KLF12: variants seen among roughly 807,000 people sequenced by gnomAD.
The protein encoded by KLF12 is KLF transcription factor 12.
Under a neutral mutation model 37.8 loss-of-function variants are expected in KLF12, and 9 were observed. That is an observed-to-expected ratio of 0.24 (90% CI 0.14 to 0.42). The LOEUF (loss-of-function observed/expected upper bound fraction) is 0.42. Among genes scored for constraint, KLF12 ranks in the 10% least tolerant of loss-of-function variants. KLF12 has a pLI of 1.00. For missense variants in KLF12, 411 were observed against 516.0 expected, an observed-to-expected ratio of 0.80 and a Z score of 1.97; for synonymous variants, 208 against 202.1, an observed-to-expected ratio of 1.03 and a Z score of -0.25.
At chr13:73,917,358 T>G (rs1888897555) in intron 3 of KLF12, among the ~76,000 whole-genome samples, 2 of 152,218 alleles carry the variant, frequency 1.3e-5, no homozygotes, top group Admixed American at 1.3e-4. Flanking sequence ...TTCCAATGCC[T>G]AGATCAGTGG....
At chr13:73,941,670 G>A (rs2139355126) in intron 3 of KLF12, among the ~76,000 whole-genome samples, 1 of 152,234 alleles carries the variant, frequency 6.6e-6, no homozygotes, top group East Asian at 1.9e-4. Context: ...TCTAGACTTT[G>A]TTTCAAACAA....
chr13:73,826,729 C>T (rs1883864618), intron 4 of KLF12, among the ~76,000 whole-genome samples: 2 of 151,662 alleles, frequency 1.3e-5, no homozygotes, highest in African/African-American at 2.4e-5. Flanking sequence ...TACAGTTTTG[C>T]TCTTTTTAAA....
At chr13:73,907,370 A>G (rs1399463592) in intron 3 of KLF12, among the ~76,000 whole-genome samples, 1 of 152,132 alleles carries the variant, frequency 6.6e-6, no homozygotes, top group African/African-American at 2.4e-5. Context: ...CCATTCATAC[A>G]GCATTCTCCA....
At position 73,903,783 on chromosome 13, in the gene KLF12, T is replaced by G. The variant is rs376422506; in HGVS notation, c.123+40198A>C. 3.1e-3 allele frequency among the ~76,000 whole-genome samples: 471 copies of G among 152,316 alleles called. 3 individuals carry two copies. Among genetic ancestry groups the G allele is most frequent in the African/African-American group, 0.011 (453 of 41,570 alleles). On this transcript the variant is annotated intron_variant, in intron 3 of 7. Coordinates refer to ENST00000377669, the MANE Select transcript of KLF12 (RefSeq NM_007249.5). ...TAGTGGGCCAGTGAGCCTTTCTGCC[T>G]GAGCTCCACCACCTGCCAGCTCAGC...
intron 6 of KLF12, among the ~76,000 whole-genome samples, chr13:73,740,620 T>C (rs1304304232): frequency 1.3e-5 from 2 of 152,192 alleles, no homozygotes; most frequent in Non-Finnish European, 2.9e-5. Flanking sequence ...GGGTTACAGT[T>C]GTGAGCCACT....
At chr13:74,297,192 A>T in the KLF12 span, among the ~76,000 whole-genome samples, 1 of 152,194 alleles carries the variant, frequency 6.6e-6, no homozygotes, top group Non-Finnish European at 1.5e-5. Flanking sequence ...ATGCCAGACT[A>T]TTCAGAAACA....
intron 3 of KLF12, among the ~76,000 whole-genome samples, chr13:73,943,531 T>C (rs1180875880): frequency 2.0e-5 from 3 of 152,208 alleles, no homozygotes; most frequent in Non-Finnish European, 2.9e-5. Context: ...ACTCCTACAG[T>C]AAGAAAGGGC....
intron 2 of KLF12, among the ~76,000 whole-genome samples, chr13:73,971,334 A>G (rs555995221): frequency 2.0e-5 from 3 of 152,286 alleles, no homozygotes; most frequent in South Asian, 4.1e-4. Flanking sequence ...CACAAAATAG[A>G]CTACATAACC....
the KLF12 span, among the ~76,000 whole-genome samples, chr13:74,279,225 C>G: frequency 1.8e-4 from 28 of 152,106 alleles, no homozygotes; most frequent in African/African-American, 6.3e-4. Context: ...ACGTAGGAAG[C>G]CCCACTGTGC....
chr13:74,058,765 A>G (rs935578154), intron 1 of KLF12, among the ~76,000 whole-genome samples: 7 of 152,220 alleles, frequency 4.6e-5, no homozygotes, highest in Admixed American at 1.3e-4. Context: ...GAGACCTGCT[A>G]CTATGAACTT....
intron 1 of KLF12, among the ~76,000 whole-genome samples, chr13:74,034,545 T>C (rs1413542016): frequency 6.6e-6 from 1 of 152,232 alleles, no homozygotes; most frequent in Non-Finnish European, 1.5e-5. Context: ...AAAACTTTTA[T>C]TATAAAAGTG....
chr13:73,887,115 C>T (rs996409914), intron 3 of KLF12, among the ~76,000 whole-genome samples: 4 of 151,952 alleles, frequency 2.6e-5, no homozygotes, highest in Admixed American at 6.6e-5. Context: ...ATCAGGGACA[C>T]CAAAAATCTT....
intron 6 of KLF12, among the ~76,000 whole-genome samples, chr13:73,753,242 T>C (rs1566343512): frequency 6.6e-6 from 1 of 152,120 alleles, no homozygotes; most frequent in South Asian, 2.1e-4. Flanking sequence ...TCATTCACTT[T>C]TCGTTCCTTG....
Position 73,708,758 on chromosome 13 carries a change from T to C in KLF12, c.1027+6610A>G, listed in dbSNP as rs557405594. 9.2e-5 allele frequency among the ~76,000 whole-genome samples: 14 copies of C among 152,352 alleles called. No homozygotes were observed. The East Asian group carries it at 2.7e-3, about 29-fold the overall frequency. ...AATCAGTTAATAAGCAATAGAACTC[T>C]TAACGTGAGGGAATCCATAGTGCAT... On this transcript the variant is annotated intron_variant, in intron 7 of 7. Transcript: ENST00000377669.
intron 4 of KLF12, among the ~76,000 whole-genome samples, chr13:73,831,657 T>C (rs1184071573): frequency 6.6e-6 from 1 of 152,214 alleles, no homozygotes; most frequent in Non-Finnish European, 1.5e-5. Context: ...CTTGTTTTAA[T>C]AATAATTTTG....
At chr13:74,060,551 C>T (rs35643115) in intron 1 of KLF12, among the ~76,000 whole-genome samples, 12,921 of 125,754 alleles carry the variant, frequency 0.1, 751 homozygotes, top group Non-Finnish European at 0.14. Flanking sequence ...GGTTGAGTTC[C>T]TGATTTGGTT....
At chr13:74,244,009 A>G in the KLF12 span, among the ~76,000 whole-genome samples, 1 of 152,222 alleles carries the variant, frequency 6.6e-6, no homozygotes, top group African/African-American at 2.4e-5. Context: ...TTTTACTAAT[A>G]TGAGTATCGG....
At chr13:73,899,940 C>T (rs1244307949) in intron 3 of KLF12, among the ~76,000 whole-genome samples, 1 of 152,134 alleles carries the variant, frequency 6.6e-6, no homozygotes, top group Non-Finnish European at 1.5e-5. Flanking sequence ...ATAAAGTCTC[C>T]TCTCATATAT....
At chr13:73,977,914 C>T (rs1344716812) in intron 2 of KLF12, among the ~76,000 whole-genome samples, 1 of 152,168 alleles carries the variant, frequency 6.6e-6, no homozygotes, top group African/African-American at 2.4e-5. Flanking sequence ...ACTTGACATC[C>T]ATGTGCAAAA....
Sources: gnomAD v4.1 joint callset for allele counts (sites outside exome capture counted in the v4.1 genomes callset) on GRCh38, gnomAD v4.1.1 for gene constraint, MANE v1.5 for transcripts, NCBI Gene and HGNC (gene_info 2026-07-23, HGNC 2026-07-21) for gene names.